LARGE1: variants seen among roughly 807,000 people sequenced by gnomAD.
LARGE1 encodes the protein xylosyl- and glucuronyltransferase LARGE1.
A neutral mutation model predicts 87.6 loss-of-function variants in LARGE1; 43 were observed. That is an observed-to-expected ratio of 0.49 (90% CI 0.38 to 0.63). The LOEUF (loss-of-function observed/expected upper bound fraction) is 0.63. Among genes scored for constraint, LARGE1 ranks in the 30% least tolerant of loss-of-function variants. The pLI, the probability that LARGE1 is intolerant of heterozygous loss-of-function variation, is 0.00. For missense variants in LARGE1, 802 were observed against 1,000.2 expected, an observed-to-expected ratio of 0.80 and a Z score of 2.67; for synonymous variants, 434 against 394.6, an observed-to-expected ratio of 1.10 and a Z score of -1.18.
chr22:33,774,718 G>A (rs1038374695), intron 1 of LARGE1, among the ~76,000 whole-genome samples: 3 of 152,174 alleles, frequency 2.0e-5, no homozygotes, highest in African/African-American at 7.2e-5. Flanking sequence ...ATGTTAACAT[G>A]TAATCAATAT....
At chr22:33,404,700 T>C (rs1226141628) in intron 7 of LARGE1, among the ~76,000 whole-genome samples, 3 of 152,226 alleles carry the variant, frequency 2.0e-5, no homozygotes, top group Non-Finnish European at 4.4e-5. Flanking sequence ...TTAAACAGAA[T>C]GTGCAAAATT....
intron 7 of LARGE1, among the ~76,000 whole-genome samples, chr22:33,423,875 G>C (rs1268053328): frequency 6.6e-6 from 1 of 152,098 alleles, no homozygotes; most frequent in African/African-American, 2.4e-5. Flanking sequence ...ATGATGAAAA[G>C]AATGGTCCAA....
chr22:33,402,654 T>C (rs2065962651), intron 7 of LARGE1, among the ~76,000 whole-genome samples: 1 of 152,170 alleles, frequency 6.6e-6, no homozygotes, highest in Non-Finnish European at 1.5e-5. Context: ...TCAAATAAGA[T>C]AACGAAATAC....
At chr22:33,155,847 C>T in the LARGE1 span, among the ~76,000 whole-genome samples, 1 of 152,112 alleles carries the variant, frequency 6.6e-6, no homozygotes, top group Non-Finnish European at 1.5e-5. Flanking sequence ...ATGTGCCAGG[C>T]CCAGGGTCCC....
intron 9 of LARGE1, among the ~76,000 whole-genome samples, chr22:33,376,690 C>G (rs2065005183): frequency 6.6e-6 from 1 of 152,156 alleles, no homozygotes; most frequent in African/African-American, 2.4e-5. Context: ...TGCTCAAAGT[C>G]CTTATGCAAA....
At chr22:33,621,952 G>A in intron 4 of LARGE1, among the ~76,000 whole-genome samples, 1 of 152,156 alleles carries the variant, frequency 6.6e-6, no homozygotes, top group East Asian at 1.9e-4. Context: ...AGGCCAACCT[G>A]GAGATTCATT....
chr22:33,305,838 C>CTTTTTTTTTTTTTTTTTTTTTTTTT (rs200366425), intron 11 of LARGE1, among the ~76,000 whole-genome samples: 1 of 126,488 alleles, frequency 7.9e-6, no homozygotes, highest in African/African-American at 3.2e-5. Flanking sequence ...ATTTCTTTTT[C>CTTTTTTTTTTTTTTTTTTTTTTTTT]TTTTTCTTTT....
At chr22:33,408,587 T>C (rs190781207) in intron 7 of LARGE1, among the ~76,000 whole-genome samples, 123 of 152,224 alleles carry the variant, frequency 8.1e-4, no homozygotes, top group African/African-American at 2.3e-3. Context: ...CATACAGCCA[T>C]AGACAAAATA....
chr22:33,255,202 C>G (rs1310502214), intron 11 of LARGE1, among the ~76,000 whole-genome samples: 1 of 152,100 alleles, frequency 6.6e-6, no homozygotes, highest in African/African-American at 2.4e-5. Flanking sequence ...CCTCCCAAAG[C>G]GCTGGGAATA....
chr22:33,344,206 T>A lies in LARGE1; in HGVS notation c.1132-6405A>T, dbSNP rs147519549. Reference sequence around the variant, plus strand: ...CTCTGTATCCTTCAATCCAATCAAGTTGACACTCAGTTTTAACCATCACAC... The same window carrying A: ...CTCTGTATCCTTCAATCCAATCAAGATGACACTCAGTTTTAACCATCACAC... On this transcript the variant is annotated intron_variant, in intron 9 of 14. Transcript: ENST00000397394. Among the ~76,000 whole-genome samples, 1,492 of 152,342 alleles carry A rather than the reference T, an allele frequency of 9.8e-3. 12 individuals are homozygous for A. The highest frequency in any genetic ancestry group is 0.016 in the Non-Finnish European group (1,103 of 68,026).
At chr22:33,605,789 C>G (rs1006960062) in intron 4 of LARGE1, among the ~76,000 whole-genome samples, 16 of 152,274 alleles carry the variant, frequency 1.1e-4, no homozygotes, top group African/African-American at 3.9e-4. Flanking sequence ...TCATACTGCT[C>G]AGAGACAGAC....
At chr22:33,878,154 T>TTTTTTTTTTTTTTTTA (rs1489109532) in intron 1 of LARGE1, among the ~76,000 whole-genome samples, 2 of 136,032 alleles carry the variant, frequency 1.5e-5, no homozygotes, top group Admixed American at 7.6e-5. Context: ...TTTTTTTTTT[T>TTTTTTTTTTTTTTTTA]AGAGACAGAG....
At chr22:33,681,321 G>A (rs567852583) in intron 2 of LARGE1, among the ~76,000 whole-genome samples, 3 of 152,328 alleles carry the variant, frequency 2.0e-5, no homozygotes, top group East Asian at 3.9e-4. Flanking sequence ...AACAGGCATT[G>A]AAATGTTAAT....
At chr22:33,145,896 A>G in the LARGE1 span, among the ~76,000 whole-genome samples, 1 of 152,186 alleles carries the variant, frequency 6.6e-6, no homozygotes, top group Non-Finnish European at 1.5e-5. Flanking sequence ...TCATTCTCAA[A>G]ATTCAACATC....
chr22:33,115,414 C>T, the LARGE1 span, among the ~76,000 whole-genome samples: 17 of 150,354 alleles, frequency 1.1e-4, no homozygotes, highest in South Asian at 2.1e-4. Flanking sequence ...CATTCTCCAT[C>T]GCTCCTGCCT....
chr22:33,522,312 A>G (rs1235562777), intron 6 of LARGE1, among the ~76,000 whole-genome samples: 1 of 152,204 alleles, frequency 6.6e-6, no homozygotes, highest in Admixed American at 6.5e-5. Flanking sequence ...ACGTTGCTGA[A>G]AGGCAGTTCA....
chr22:33,183,390 G>C (rs1923275921), intron 11 of LARGE1, among the ~76,000 whole-genome samples: 1 of 152,176 alleles, frequency 6.6e-6, no homozygotes, highest in South Asian at 2.1e-4. Flanking sequence ...AATGTGTATT[G>C]TTACAACCTT....
chr22:33,548,789 G>A (rs2077440046), intron 6 of LARGE1, among the ~76,000 whole-genome samples: 1 of 152,196 alleles, frequency 6.6e-6, no homozygotes, highest in Admixed American at 6.5e-5. Context: ...AGTATACAAT[G>A]TCTCAAAAAT....
downstream of LARGE1, among the ~76,000 whole-genome samples, chr22:33,268,649 G>A (rs189880870): frequency 6.5e-3 from 980 of 151,348 alleles, 11 homozygotes; most frequent in African/African-American, 0.022. Flanking sequence ...GGATGGTCTC[G>A]ATCTCCTGAC....
Sources: allele counts gnomAD v4.1 joint callset (sites outside exome capture counted in the v4.1 genomes callset), GRCh38; gene constraint gnomAD v4.1.1; transcripts MANE v1.5; gene names NCBI Gene and HGNC (gene_info 2026-07-23, HGNC 2026-07-21).